Variants in RAD51B observed in about 807,000 individuals in gnomAD.
RAD51B encodes DNA repair protein RAD51 homolog 2.
RAD51B carries 38 observed loss-of-function variants against 42.2 expected under a neutral mutation model. That is an observed-to-expected ratio of 0.90 (90% CI 0.70 to 1.18). RAD51B has a LOEUF of 1.18. Among genes scored for constraint, RAD51B ranks in the 50% most tolerant of loss-of-function variants. The pLI, the probability that RAD51B is intolerant of heterozygous loss-of-function variation, is 0.00. For synonymous variants in RAD51B, 154 were observed against 145.2 expected, an observed-to-expected ratio of 1.06 and a Z score of -0.43; for missense variants, 373 against 400.7, an observed-to-expected ratio of 0.93 and a Z score of 0.59.
chr14:68,417,421 C>T (rs564975496), intron 9 of RAD51B, among the ~76,000 whole-genome samples: 1 of 152,292 alleles, frequency 6.6e-6, no homozygotes, highest in South Asian at 2.1e-4. Flanking sequence ...TAAATGTCTC[C>T]TCCCTTTCCA....
chr14:68,592,210 GCA>G (rs1890776932), intron 10 of RAD51B, among the ~76,000 whole-genome samples: 1 of 151,726 alleles, frequency 6.6e-6, no homozygotes. Context: ...TGTCTTCATT[GCA>G]CCATAAATGT....
intron 7 of RAD51B, among the ~76,000 whole-genome samples, chr14:67,936,173 G>A (rs1421355179): frequency 1.3e-5 from 2 of 152,110 alleles, no homozygotes; most frequent in South Asian, 2.1e-4. Context: ...ATTGTGCAAC[G>A]ATCACCACAG....
intron 8 of RAD51B, among the ~76,000 whole-genome samples, chr14:68,378,969 A>G (rs77773622): frequency 0.038 from 5,721 of 152,314 alleles, 357 homozygotes; most frequent in African/African-American, 0.13. Flanking sequence ...CTTCTGATTC[A>G]GTCTACTTGT....
intron 7 of RAD51B, among the ~76,000 whole-genome samples, chr14:68,238,832 A>G (rs948310655): frequency 6.6e-6 from 1 of 152,224 alleles, no homozygotes. Context: ...GGATCAGAAT[A>G]TCTGAGGTTG....
At chr14:68,321,237 C>T (rs748654377) in intron 8 of RAD51B, among the ~76,000 whole-genome samples, 1 of 152,202 alleles carries the variant, frequency 6.6e-6, no homozygotes, top group African/African-American at 2.4e-5. Flanking sequence ...CTTAGCCCTA[C>T]ACATCTGTAA....
intron 8 of RAD51B, among the ~76,000 whole-genome samples, chr14:68,337,485 C>T (rs146168491): frequency 9.8e-5 from 15 of 152,308 alleles, no homozygotes; most frequent in Middle Eastern, 3.4e-3. Context: ...ACTCTTGCAT[C>T]CTGTGGTTCT....
chr14:68,465,956 AAATAAATAAAT>A (rs765484118), intron 9 of RAD51B, among the ~76,000 whole-genome samples: 2 of 76,612 alleles, frequency 2.6e-5, no homozygotes, highest in Non-Finnish European at 5.1e-5. Flanking sequence ...AAAAAAAAAT[AAATAAATAAAT>A]AAATAAATAA....
chr14:68,308,830 T>C lies in RAD51B; in HGVS notation c.853+16850T>C, dbSNP rs535481823. Among the ~76,000 whole-genome samples, 3 of 152,092 alleles carry C rather than the reference T, an allele frequency of 2.0e-5. No individual in the cohort carries two copies. In the East Asian group the frequency reaches 5.8e-4, roughly 29 times the overall value. On this transcript the variant is annotated intron_variant, in intron 8 of 10. Transcript: ENST00000471583. Reference sequence around the variant, plus strand: ...AGTCAGTCATCCTCAGCCTGAACAATGGAGCTTAATGTTCTCCATCTTCCT... The same window carrying C: ...AGTCAGTCATCCTCAGCCTGAACAACGGAGCTTAATGTTCTCCATCTTCCT...
chr14:68,169,278 A>C (rs1200656118), intron 7 of RAD51B, among the ~76,000 whole-genome samples: 3 of 152,078 alleles, frequency 2.0e-5, no homozygotes, highest in African/African-American at 7.2e-5. Context: ...CCCAGACCAG[A>C]GTCATATTCT....
intron 10 of RAD51B, among the ~76,000 whole-genome samples, chr14:68,507,224 A>C (rs765679323): frequency 3.9e-5 from 6 of 152,084 alleles, no homozygotes; most frequent in Non-Finnish European, 7.4e-5. Flanking sequence ...CCCCTCCTTC[A>C]TTGCTCCAGT....
At chr14:68,248,380 G>C (rs933551295) in intron 7 of RAD51B, among the ~76,000 whole-genome samples, 2 of 151,884 alleles carry the variant, frequency 1.3e-5, no homozygotes, top group African/African-American at 4.8e-5. Context: ...ATGCTCTTTG[G>C]CCTTCCATTC....
chr14:68,120,332 C>T (rs1455679704), intron 7 of RAD51B, among the ~76,000 whole-genome samples: 3 of 152,142 alleles, frequency 2.0e-5, no homozygotes, highest in Admixed American at 6.5e-5. Flanking sequence ...AATTAGATCC[C>T]ATTTGTCAAT....
intron 7 of RAD51B, among the ~76,000 whole-genome samples, chr14:68,028,520 G>A (rs1212002748): frequency 2.0e-5 from 3 of 152,130 alleles, no homozygotes; most frequent in Admixed American, 6.5e-5. Context: ...CACATAACTC[G>A]ACTTGGCACT....
chr14:68,554,576 C>T (rs539468423), intron 10 of RAD51B, among the ~76,000 whole-genome samples: 25 of 152,332 alleles, frequency 1.6e-4, no homozygotes, highest in African/African-American at 5.5e-4. Flanking sequence ...TGGCAACCCC[C>T]GCCCCACTGC....
chr14:67,954,374 T>C (rs1027964247), intron 7 of RAD51B, among the ~76,000 whole-genome samples: 1 of 152,186 alleles, frequency 6.6e-6, no homozygotes, highest in Admixed American at 6.5e-5. Flanking sequence ...GAAATAATAT[T>C]AGCCATTTTG....
At chr14:67,820,157 C>T (rs116503797) in intron 1 of RAD51B, among the ~76,000 whole-genome samples, 1 of 152,156 alleles carries the variant, frequency 6.6e-6, no homozygotes, top group Non-Finnish European at 1.5e-5. Context: ...AGCCCCTTCC[C>T]GCTTCGGGCA....
intron 7 of RAD51B, among the ~76,000 whole-genome samples, chr14:68,073,913 C>A (rs1242182569): frequency 6.6e-6 from 1 of 152,098 alleles, no homozygotes; most frequent in Non-Finnish European, 1.5e-5. Context: ...TGATGTGGTT[C>A]CCTTTGTAAG....
At chr14:67,911,695 G>A (rs1294380193) in intron 7 of RAD51B, among the ~76,000 whole-genome samples, 2 of 151,866 alleles carry the variant, frequency 1.3e-5, no homozygotes, top group Non-Finnish European at 2.9e-5. Context: ...TACTACTTGT[G>A]GTAAAAAAGA....
chr14:67,949,129 AT>A (rs1189424666), intron 7 of RAD51B, among the ~76,000 whole-genome samples: 2 of 152,044 alleles, frequency 1.3e-5, no homozygotes, highest in Admixed American at 1.3e-4. Context: ...GTATCAGTTT[AT>A]TAAAATAAGA....
Sources: gnomAD v4.1 joint callset for allele counts (sites outside exome capture counted in the v4.1 genomes callset) on GRCh38, gnomAD v4.1.1 for gene constraint, MANE v1.5 for transcripts, NCBI Gene and HGNC (gene_info 2026-07-23, HGNC 2026-07-21) for gene names.